Variants in DAOA observed in about 807,000 individuals in gnomAD.
DAOA encodes D-amino acid oxidase regulator.
Under a neutral mutation model 16.4 loss-of-function variants are expected in DAOA, and 15 were observed. That is an observed-to-expected ratio of 0.91 (90% CI 0.61 to 1.41). The LOEUF is 1.41. Ranked by LOEUF, DAOA falls within the 40% of genes most tolerant of loss-of-function variation. DAOA has a pLI of 0.00. For missense variants in DAOA, 230 were observed against 176.8 expected (o/e 1.30, Z -1.71); for synonymous variants, 75 against 59.1 (o/e 1.27, Z -1.23).
intron 2 of DAOA, 39 bp downstream of exon 2, chr13:105,466,371 G>T: frequency 6.2e-7 from 1 of 1,613,656 alleles, no homozygotes; most frequent in Non-Finnish European, 8.5e-7. Flanking sequence ...GGCGGCCTCA[G>T]TGCAATGTGA....
At chr13:105,467,222 T>A (rs1375892751) in intron 3 of DAOA, 81 bp downstream of exon 3, 13 of 1,390,366 alleles carry the variant, frequency 9.4e-6, no homozygotes, top group Non-Finnish European at 1.3e-5. Flanking sequence ...ATAATACTTT[T>A]GACATATTTT....
chr13:105,486,871 C>T (rs1253754798), intron 4 of DAOA, among the ~76,000 whole-genome samples: 2 of 152,122 alleles, frequency 1.3e-5, no homozygotes, highest in Non-Finnish European at 1.5e-5. Flanking sequence ...CTGCCCACTT[C>T]GGCATCCCAT....
At chr13:105,488,334 A>G (rs1390157719) in intron 4 of DAOA, among the ~76,000 whole-genome samples, 2 of 152,314 alleles carry the variant, frequency 1.3e-5, no homozygotes, top group East Asian at 1.9e-4. Context: ...AGATAACTCA[A>G]AAGATGAATG....
intron 3 of DAOA, among the ~76,000 whole-genome samples, chr13:105,468,944 A>G (rs1876731225): frequency 6.6e-6 from 1 of 152,244 alleles, no homozygotes; most frequent in African/African-American, 2.4e-5. Flanking sequence ...GTAAATAGAC[A>G]TGAACATGAA....
chr13:105,472,849 A>T (rs1269222364), intron 4 of DAOA, among the ~76,000 whole-genome samples, 164 bp downstream of exon 4: 3 of 152,182 alleles, frequency 2.0e-5, no homozygotes, highest in African/African-American at 7.2e-5. Context: ...GAACCATTTT[A>T]ACACTTTTTT....
At chr13:105,476,210 C>T (rs1877318464) in intron 4 of DAOA, among the ~76,000 whole-genome samples, 1 of 152,032 alleles carries the variant, frequency 6.6e-6, no homozygotes, top group Non-Finnish European at 1.5e-5. Flanking sequence ...TCATCTGAAA[C>T]TTGAACTTAT....
At chr13:105,480,757 C>A (rs1235707310) in intron 4 of DAOA, among the ~76,000 whole-genome samples, 1 of 151,960 alleles carries the variant, frequency 6.6e-6, no homozygotes, top group African/African-American at 2.4e-5. Flanking sequence ...TACCTAGAGT[C>A]CAAAAAGTGG....
intron 4 of DAOA, chr13:105,477,188 C>A (rs67705083): frequency 0.31 from 47,508 of 151,954 alleles, 7,577 homozygotes; most frequent in Non-Finnish European, 0.34. Flanking sequence ...AACCATCCTG[C>A]TACCAGACCT....
intron 4 of DAOA, among the ~76,000 whole-genome samples, chr13:105,480,443 T>C (rs1337484088): frequency 6.6e-6 from 1 of 151,986 alleles, no homozygotes; most frequent in Non-Finnish European, 1.5e-5. Context: ...TGCTGGCATC[T>C]GTATTAGGGT....
At chr13:105,474,557 A>G (rs560205933) in intron 4 of DAOA, among the ~76,000 whole-genome samples, 1 of 152,170 alleles carries the variant, frequency 6.6e-6, no homozygotes, top group Non-Finnish European at 1.5e-5. Context: ...TTCGTAATCA[A>G]TTATTTCACG....
rs765288322 is a variant in DAOA, at chr13:105,467,054, T to C, written c.46T>C (p.Ser16Pro). The C allele has an allele frequency of 1.2e-6, 2 of 1,608,312 alleles. No individual in the cohort carries two copies. Among genetic ancestry groups the C allele is most frequent in the Non-Finnish European group, 1.7e-6 (2 of 1,177,750 alleles). Residue 16 changes from serine to proline, a missense_variant and splice_region_variant, in exon 3 of 6, where the codon TCC becomes CCC. Transcript: ENST00000375936. Reference protein sequence around the residue: ...MGADSLQLFRSRYTLGKIYFI... With the variant: ...MGADSLQLFRPRYTLGKIYFI... ...ACTGATATTTTCTTTAATTTTTAGATCCAGATATACATTGGGTAAAATCTA... is the reference window on the plus strand; with the variant it reads ...ACTGATATTTTCTTTAATTTTTAGACCCAGATATACATTGGGTAAAATCTA...
intron 4 of DAOA, among the ~76,000 whole-genome samples, chr13:105,480,597 A>AT: frequency 6.6e-6 from 1 of 151,982 alleles, no homozygotes; most frequent in Non-Finnish European, 1.5e-5. Context: ...TTGGCTCGTG[A>AT]TTATAGAGAC....
chr13:105,467,006 G>C, intron 2 of DAOA, 47 bp from the exon 3 acceptor site: 2 of 1,580,046 alleles, frequency 1.3e-6, no homozygotes, highest in Non-Finnish European at 1.7e-6. Flanking sequence ...CTCTTCTGCA[G>C]GGTATAAAGG....
intron 4 of DAOA, among the ~76,000 whole-genome samples, chr13:105,473,149 A>G (rs1234728738): frequency 8.6e-6 from 1 of 116,770 alleles, no homozygotes; most frequent in East Asian, 2.7e-4. Flanking sequence ...CACACTGCCT[A>G]CGTGAGAGTG....
intron 3 of DAOA, among the ~76,000 whole-genome samples, chr13:105,469,360 C>T (rs1006934219): frequency 6.6e-6 from 1 of 152,126 alleles, no homozygotes; most frequent in African/African-American, 2.4e-5. Context: ...TTTATTTGGG[C>T]TTTATTTTCT....
At chr13:105,466,385 T>C in intron 2 of DAOA, 53 bp downstream of exon 2, 2 of 1,612,746 alleles carry the variant, frequency 1.2e-6, no homozygotes, top group Non-Finnish European at 1.7e-6. Context: ...AATGTGACAT[T>C]TGCATGGCAG....
chr13:105,467,016 GA>G, intron 2 of DAOA, 36 bp from the exon 3 acceptor site: 5 of 1,599,794 alleles, frequency 3.1e-6, no homozygotes, highest in Non-Finnish European at 3.4e-6. Context: ...GGGTATAAAG[GA>G]ATCTGAACAC....
intron 4 of DAOA, among the ~76,000 whole-genome samples, chr13:105,479,603 A>T (rs1594113031): frequency 6.6e-6 from 1 of 152,102 alleles, no homozygotes; most frequent in Admixed American, 6.5e-5. Context: ...CTGTCTTCAC[A>T]TGGTCACCAT....
At chr13:105,477,006 T>C (rs1877385837) in intron 4 of DAOA, 1 of 152,190 alleles carries the variant, frequency 6.6e-6, no homozygotes, top group Non-Finnish European at 1.5e-5. Context: ...TGATGAAATT[T>C]GTTAGTAGCC....
Sources: gnomAD v4.1 joint callset for allele counts (sites outside exome capture counted in the v4.1 genomes callset) on GRCh38, gnomAD v4.1.1 for gene constraint, MANE v1.5 for transcripts, NCBI Gene and HGNC (gene_info 2026-07-23, HGNC 2026-07-21) for gene names.